Variants in SYN3 observed in about 807,000 individuals in gnomAD.
The protein encoded by SYN3 is synapsin-3.
In SYN3, 35 loss-of-function variants were observed where a neutral mutation model predicts 65.8. The observed-to-expected ratio is 0.53, with a 90% CI of 0.41 to 0.70. SYN3 has a LOEUF of 0.70. SYN3 is among the 30% of genes least tolerant of loss of function. The pLI, the probability that SYN3 is intolerant of heterozygous loss-of-function variation, is 0.00. For synonymous variants in SYN3, 270 were observed against 292.9 expected, an observed-to-expected ratio of 0.92 and a Z score of 0.80; for missense variants, 680 against 749.0, an observed-to-expected ratio of 0.91 and a Z score of 1.08.
At chr22:32,655,033 C>T (rs2060123262) in intron 6 of SYN3, among the ~76,000 whole-genome samples, 1 of 152,218 alleles carries the variant, frequency 6.6e-6, no homozygotes, top group Non-Finnish European at 1.5e-5. Flanking sequence ...GACCTGGGCT[C>T]AAAGCTGCTA....
intron 7 of SYN3, among the ~76,000 whole-genome samples, chr22:32,561,885 G>A (rs1276849651): frequency 6.6e-6 from 1 of 152,198 alleles, no homozygotes. Flanking sequence ...GTCCTGAGGA[G>A]CCCATTTGCC....
At chr22:32,934,179 T>C (rs1328854434) in intron 3 of SYN3, among the ~76,000 whole-genome samples, 1 of 152,232 alleles carries the variant, frequency 6.6e-6, no homozygotes, top group African/African-American at 2.4e-5. Flanking sequence ...GTTGCTTATG[T>C]GCGCAGATAA....
intron 4 of SYN3, among the ~76,000 whole-genome samples, chr22:32,926,160 T>A (rs1484984030): frequency 6.6e-6 from 1 of 152,112 alleles, no homozygotes; most frequent in Admixed American, 6.5e-5. Flanking sequence ...CCGGGATAGA[T>A]GTTCTTGTTT....
At chr22:32,766,251 C>A in intron 6 of SYN3, among the ~76,000 whole-genome samples, 1 of 152,100 alleles carries the variant, frequency 6.6e-6, no homozygotes, top group East Asian at 1.9e-4. Context: ...TTCCATGACC[C>A]CAGCTGTGTA....
intron 6 of SYN3, among the ~76,000 whole-genome samples, chr22:32,658,009 G>A (rs2060165679): frequency 1.3e-5 from 2 of 152,226 alleles, no homozygotes; most frequent in African/African-American, 2.4e-5. Flanking sequence ...GCCTCACACA[G>A]TGCTTGATGA....
At chr22:32,726,771 G>C (rs1025716220) in intron 6 of SYN3, among the ~76,000 whole-genome samples, 1 of 152,138 alleles carries the variant, frequency 6.6e-6, no homozygotes, top group Non-Finnish European at 1.5e-5. Context: ...AAAACCTGAA[G>C]AAACTATTTA....
At chr22:32,693,652 C>T (rs938100117) in intron 6 of SYN3, among the ~76,000 whole-genome samples, 14 of 125,118 alleles carry the variant, frequency 1.1e-4, no homozygotes, top group Admixed American at 4.2e-4. Context: ...AGTGCAGTGG[C>T]GCAATCTTGG....
chr22:32,620,964 C>T (rs533935542), intron 6 of SYN3, among the ~76,000 whole-genome samples: 7 of 151,824 alleles, frequency 4.6e-5, no homozygotes, highest in Admixed American at 1.3e-4. Flanking sequence ...ATGATCCACC[C>T]ACCTCGGTCT....
chr22:32,600,684 C>T (rs1006035887), intron 6 of SYN3, among the ~76,000 whole-genome samples: 20 of 125,842 alleles, frequency 1.6e-4, no homozygotes, highest in African/African-American at 7.8e-4. Context: ...TTTTATGCAA[C>T]TTAATATGAT....
rs570170295 is a variant in SYN3, at chr22:32,533,856, G to A, written c.1032C>T (p.Gly344=). The A allele has an allele frequency of 1.4e-5, 23 of 1,613,806 alleles. No homozygotes were observed. The highest frequency in any genetic ancestry group is 1.7e-4 in the Middle Eastern group (1 of 6,060). The change falls in exon 10 of 14, where the codon GGC becomes GGT. Residue 344 remains glycine, a synonymous_variant. Transcript: ENST00000358763. ...CCTTGACGGCACAGATGTCCAGGCC[G>A]CCAAACATTTCCGAGCAGCTGTCCA... ...LWVDSCSEMF[G]GLDICAVKAV... is the part of the protein sequence containing the mutation.
intron 12 of SYN3, among the ~76,000 whole-genome samples, chr22:32,526,583 T>C (rs1452546571): frequency 6.6e-6 from 1 of 152,148 alleles, no homozygotes; most frequent in Non-Finnish European, 1.5e-5. Flanking sequence ...TGGCGCAATC[T>C]CGGCTCACTG....
At chr22:32,729,945 T>TAAACATA (rs1430751510) in intron 6 of SYN3, among the ~76,000 whole-genome samples, 1 of 152,206 alleles carries the variant, frequency 6.6e-6, no homozygotes, top group East Asian at 1.9e-4. Flanking sequence ...TAGTGTGCCC[T>TAAACATA]AAACATAGGC....
At chr22:32,827,892 G>A (rs1485888437) in intron 6 of SYN3, among the ~76,000 whole-genome samples, 1 of 152,144 alleles carries the variant, frequency 6.6e-6, no homozygotes, top group Non-Finnish European at 1.5e-5. Flanking sequence ...CTCACTGGCT[G>A]GCCCCTTCTC....
intron 6 of SYN3, among the ~76,000 whole-genome samples, chr22:32,812,795 T>C (rs1024839512): frequency 3.9e-5 from 6 of 152,164 alleles, no homozygotes; most frequent in African/African-American, 1.4e-4. Flanking sequence ...GTGTGCCCCA[T>C]TGGGCAGTCA....
At chr22:32,941,389 T>C (rs1343139371) in intron 3 of SYN3, among the ~76,000 whole-genome samples, 1 of 152,238 alleles carries the variant, frequency 6.6e-6, no homozygotes, top group African/African-American at 2.4e-5. Context: ...GTTGAAAGCT[T>C]GAGCCCACTC....
intron 7 of SYN3, among the ~76,000 whole-genome samples, chr22:32,564,158 C>T (rs2058625897): frequency 6.6e-6 from 1 of 152,194 alleles, no homozygotes; most frequent in African/African-American, 2.4e-5. Flanking sequence ...CAACGCATGC[C>T]TGAGCTGGGA....
chr22:32,753,147 T>C (rs1395836012), intron 6 of SYN3, among the ~76,000 whole-genome samples: 1 of 152,132 alleles, frequency 6.6e-6, no homozygotes, highest in Non-Finnish European at 1.5e-5. Flanking sequence ...TCTCCATCTC[T>C]GCCTGAGCTC....
At chr22:32,570,560 C>G (rs3788460) in intron 7 of SYN3, among the ~76,000 whole-genome samples, 45,721 of 128,202 alleles carry the variant, frequency 0.36, 7,299 homozygotes, top group East Asian at 0.54. Flanking sequence ...GTAGTAGGGT[C>G]GGGGGAGGAG....
chr22:32,539,330 G>A (rs1381435129), intron 8 of SYN3, among the ~76,000 whole-genome samples: 1 of 152,010 alleles, frequency 6.6e-6, no homozygotes, highest in Non-Finnish European at 1.5e-5. Context: ...GGAATAGATG[G>A]TGGATGGGGG....
Sources: gnomAD v4.1 joint callset for allele counts (sites outside exome capture counted in the v4.1 genomes callset) on GRCh38, gnomAD v4.1.1 for gene constraint, MANE v1.5 for transcripts, NCBI Gene and HGNC (gene_info 2026-07-23, HGNC 2026-07-21) for gene names.